AXIN2: variants seen among roughly 807,000 people sequenced by gnomAD.
AXIN2 encodes axin-2.
AXIN2 carries 21 observed loss-of-function variants against 74.7 expected under a neutral mutation model. That is an observed-to-expected ratio of 0.28 (90% confidence interval 0.20 to 0.40). The LOEUF is 0.40. Ranked by LOEUF, AXIN2 falls within the 10% of genes least tolerant of loss-of-function variation. AXIN2 has a pLI of 1.00. For synonymous variants in AXIN2, 532 were observed against 454.9 expected (o/e 1.17, Z -2.16); for missense variants, 1,144 against 1,111.1 (o/e 1.03, Z -0.42).
Position 65,537,013 on chromosome 17 carries a change from G to T in AXIN2, c.1763C>A (p.Pro588Gln). ...TTCCCTGGCGGGCAGGGCCAGGCCC[G>T]GCTCCGTGCCTTTCCCATTGCGTTT... Reference protein sequence around the residue: ...LPKRNGKGTEPGLALPAREGG... With the variant: ...LPKRNGKGTEQGLALPAREGG... The change falls in exon 7 of 11, where the codon CCG becomes CAG. Residue 588 changes from proline (P) to glutamine (Q), a missense_variant. Physicochemically the swap from Pro to Gln is moderately conservative, Grantham distance 76. Transcript: ENST00000307078. 6.2e-7 allele frequency: 1 copy of T among 1,611,094 alleles called. No homozygotes were observed.
In AXIN2 at chr17:65,529,726, A is replaced by G. The variant is rs1473916637; in HGVS notation, c.*250T>C. ...CTCTCAAATACAGGCAGCATCTTCA[A>G]TAGCCAAGAGTGGTCATGTTTTTAA... is the stretch of plus-strand genomic sequence containing the variant. On this transcript the variant is annotated 3_prime_UTR_variant, in exon 11 of 11. Coordinates refer to ENST00000307078, the MANE Select transcript of AXIN2 (RefSeq NM_004655.4). The G allele has an allele frequency of 1.8e-6, 1 of 542,870 alleles. No homozygotes were observed. The highest frequency in any genetic ancestry group is 3.1e-5 in the Admixed American group (1 of 31,794). 33.6% of individuals were successfully genotyped at this position (542,870 alleles called of 1,614,324 possible).
At chr17:65,543,690 A>T (rs2044074944) in intron 3 of AXIN2, among the ~76,000 whole-genome samples, 1 of 152,194 alleles carries the variant, frequency 6.6e-6, no homozygotes, top group Non-Finnish European at 1.5e-5. Flanking sequence ...TTTCAATAAG[A>T]TGCCCTTCCC....
chr17:65,533,798 C>CCCGGG, intron 10 of AXIN2, 114 bp downstream of exon 10: 1 of 958,774 alleles, frequency 1.0e-6, no homozygotes, highest in African/African-American at 1.6e-5. Flanking sequence ...GCCTGCTGAG[C>CCCGGG]CCCCTCCCAC....
chr17:65,537,635 C>T lies in AXIN2; in HGVS notation c.1401G>A (p.Pro467=), dbSNP rs771579039. ...VGRYSPRSRS[P]DHHHHHHSQY... The stretch of plus-strand genomic sequence containing the variant: ...GCGAATGGTGGTGGTGGTGGTGGTC[C>T]GGGGAGCGGGAGCGGGGGCTATAGC... Residue 467 remains proline (P), a synonymous_variant, in exon 6 of 11, where the codon CCG becomes CCA. Coordinates refer to ENST00000307078, the MANE Select transcript of AXIN2 (RefSeq NM_004655.4). 12 of 1,584,940 alleles carry T rather than the reference C, an allele frequency of 7.6e-6. No homozygotes were observed. In the South Asian group the frequency reaches 1.2e-4, roughly 16 times the overall value.
chr17:65,543,245 C>T (rs781775193), intron 3 of AXIN2, among the ~76,000 whole-genome samples: 1 of 152,158 alleles, frequency 6.6e-6, no homozygotes, highest in Non-Finnish European at 1.5e-5. Context: ...GGGAAGGATT[C>T]GCAGCAGCTG....
rs761896015 is a variant in AXIN2, at chr17:65,528,622, C to A, written c.*1354G>T. 2 of 498,828 alleles carry A rather than the reference C, an allele frequency of 4.0e-6. No individual in the cohort carries two copies. The highest frequency in any genetic ancestry group is 3.3e-5 in the South Asian group (2 of 60,282). 30.9% of individuals were successfully genotyped at this position (498,828 alleles called of 1,614,324 possible). Reference sequence around the variant, plus strand: ...TCTCTTAATTACAATAATTATTGTACCAAGTAATTTTCCTTAAATGAACTC... The same window carrying A: ...TCTCTTAATTACAATAATTATTGTAACAAGTAATTTTCCTTAAATGAACTC... On this transcript the variant is annotated 3_prime_UTR_variant, in exon 11 of 11. Coordinates refer to ENST00000307078, the MANE Select transcript of AXIN2 (RefSeq NM_004655.4).
chr17:65,534,693 C>G (rs1327284497), intron 9 of AXIN2, among the ~76,000 whole-genome samples: 1 of 151,998 alleles, frequency 6.6e-6, no homozygotes, highest in African/African-American at 2.4e-5. Flanking sequence ...CTTTGGGAGG[C>G]CGAGGTGGGC....
rs774353403 is a variant in AXIN2, at chr17:65,541,528, C to G, written c.986G>C (p.Ser329Thr). The change falls in exon 4 of 11, where the codon AGT becomes ACT. Residue 329 changes from serine (S) to threonine (T), a missense_variant. Transcript: ENST00000307078. ...VDGIPPYRVG[S>T]KKQLQREMHR... ...CATTTCTCTCTGGAGCTGTTTCTTA[C>G]TGCCCACACGATAAGGAGGAATTCC... 7 of 1,614,052 alleles carry G rather than the reference C, an allele frequency of 4.3e-6. No homozygotes were observed. The highest frequency in any genetic ancestry group is 4.0e-5 in the African/African-American group (3 of 74,926).
In AXIN2 at chr17:65,537,773, G is replaced by T; in HGVS notation, c.1263C>A (p.His421Gln). Residue 421 changes from histidine (H) to glutamine (Q), a missense_variant, in exon 6 of 11, where the codon CAC becomes CAA. His to Gln is a conservative substitution (Grantham distance 24, BLOSUM62 0). Transcript: ENST00000307078. Reference sequence around the variant, plus strand: ...TGCCGGAGGGCAGTAGGGAGAGGGGGTGCTGCGTGGGCGCCCCCTCCCGCG... The same window carrying T: ...TGCCGGAGGGCAGTAGGGAGAGGGGTTGCTGCGTGGGCGCCCCCTCCCGCG... Reference protein sequence around the residue: ...LNSREGAPTQHPLSLLPSGSY... With the variant: ...LNSREGAPTQQPLSLLPSGSY... The T allele has an allele frequency of 1.3e-6, 2 of 1,586,914 alleles. No individual in the cohort carries two copies. Among genetic ancestry groups the T allele is most frequent in the Non-Finnish European group, 8.6e-7 (1 of 1,166,306 alleles).
At chr17:65,546,885 AG>A (rs763372565) in intron 3 of AXIN2, among the ~76,000 whole-genome samples, 5 of 152,186 alleles carry the variant, frequency 3.3e-5, no homozygotes, top group African/African-American at 4.8e-5. Flanking sequence ...TTCTGCCACC[AG>A]GAACCCAAAG....
Position 65,558,686 on chromosome 17 carries a change from G to T in AXIN2, c.-66C>A. On this transcript the variant is annotated 5_prime_UTR_variant, in exon 2 of 11. Coordinates refer to ENST00000307078, the MANE Select transcript of AXIN2 (RefSeq NM_004655.4). ...CTTCCAGTTCCTCTCAGCAATCGGCGTGGTCTCTCTGTCTCTCTCAAGTCA... is the reference window on the plus strand; with the variant it reads ...CTTCCAGTTCCTCTCAGCAATCGGCTTGGTCTCTCTGTCTCTCTCAAGTCA... 1 of 1,505,744 alleles carries T rather than the reference G, an allele frequency of 6.6e-7. No individual in the cohort carries two copies. Among genetic ancestry groups the T allele is most frequent in the Non-Finnish European group, 9.0e-7 (1 of 1,113,232 alleles). 93.3% of individuals were successfully genotyped at this position (1,505,744 alleles called of 1,614,324 possible).
Position 65,538,234 on chromosome 17 carries a change from C to A in AXIN2, c.1169G>T (p.Ser390Ile), listed in dbSNP as rs778900546. The A allele has an allele frequency of 3.1e-6, 5 of 1,614,222 alleles. No homozygotes were observed. Among genetic ancestry groups the A allele is most frequent in the South Asian group, 2.2e-5 (2 of 91,088 alleles). Reference sequence around the variant, plus strand: ...GATCTGCTGCAGGCGCTCCTCCAGGCTGTGGCGGCTCTCCAACTCCAGCTT... The same window carrying A: ...GATCTGCTGCAGGCGCTCCTCCAGGATGTGGCGGCTCTCCAACTCCAGCTT... ...KLKLELESRH[S>I]LEERLQQIRE... The change falls in exon 5 of 11, where the codon AGC becomes ATC. Residue 390 changes from serine to isoleucine, a missense_variant. Ser to Ile is a moderately radical substitution (Grantham distance 142). Transcript: ENST00000307078.
chr17:65,548,685 C>G (rs1308767948), intron 3 of AXIN2, among the ~76,000 whole-genome samples: 1 of 152,206 alleles, frequency 6.6e-6, no homozygotes, highest in Non-Finnish European at 1.5e-5. Flanking sequence ...CAGGGATACC[C>G]AGGCCACAGC....
intron 2 of AXIN2, among the ~76,000 whole-genome samples, chr17:65,551,808 C>G (rs1451712568): frequency 6.6e-6 from 1 of 152,234 alleles, no homozygotes; most frequent in Admixed American, 6.5e-5. Flanking sequence ...AAGGCCTTGT[C>G]AGACTTGGCC....
At position 65,538,219 on chromosome 17, in the gene AXIN2, A is replaced by G. The variant is rs1555578450; in HGVS notation, c.1184T>C (p.Leu395Pro). Residue 395 changes from leucine (L) to proline (P), a missense_variant, in exon 5 of 11, where the codon CTG becomes CCG. By Grantham distance (98) the Leu-to-Pro change is moderately conservative (BLOSUM62 -3). Coordinates refer to ENST00000307078, the MANE Select transcript of AXIN2 (RefSeq NM_004655.4). ...LESRHSLEER[L>P]QQIREDEERE... ...CCGCATTACCTCTCGGATCTGCTGCAGGCGCTCCTCCAGGCTGTGGCGGCT... is the reference window on the plus strand; with the variant it reads ...CCGCATTACCTCTCGGATCTGCTGCGGGCGCTCCTCCAGGCTGTGGCGGCT... The G allele has an allele frequency of 2.5e-6, 4 of 1,614,114 alleles. No homozygotes were observed. The highest frequency in any genetic ancestry group is 2.5e-6 in the Non-Finnish European group (3 of 1,180,060).
rs758278144 is a variant in AXIN2, at chr17:65,535,606, T to C, written c.2237+20A>G. 2 of 1,606,450 alleles carry C rather than the reference T, an allele frequency of 1.2e-6. No individual in the cohort carries two copies. The highest frequency in any genetic ancestry group is 8.5e-7 in the Non-Finnish European group (1 of 1,173,028). ...TAAAGCACTCGGCAGATCTCAGTAA[T>C]GTCAGGTAAAGACACTCACTCTTCT... On this transcript the variant is annotated intron_variant, in intron 9 of 10. Transcript: ENST00000307078.
At chr17:65,531,805 G>A (rs2043823636) in intron 10 of AXIN2, among the ~76,000 whole-genome samples, 1 of 152,188 alleles carries the variant, frequency 6.6e-6, no homozygotes, top group Non-Finnish European at 1.5e-5. Context: ...GGCACCAACA[G>A]CGTCTGGCGC....
At chr17:65,531,264 T>C (rs2043810941) in intron 10 of AXIN2, among the ~76,000 whole-genome samples, 4 of 152,056 alleles carry the variant, frequency 2.6e-5, no homozygotes, top group Admixed American at 2.6e-4. Flanking sequence ...GCAAGCCAAA[T>C]ACTTTCGTAG....
At chr17:65,534,668 C>T (rs1298789343) in intron 9 of AXIN2, among the ~76,000 whole-genome samples, 1 of 152,144 alleles carries the variant, frequency 6.6e-6, no homozygotes, top group Admixed American at 6.5e-5. Context: ...GTGGCTCACG[C>T]CTGTAATCCC....
Sources: gnomAD v4.1 joint callset for allele counts (sites outside exome capture counted in the v4.1 genomes callset) on GRCh38, gnomAD v4.1.1 for gene constraint, MANE v1.5 for transcripts, NCBI Gene and HGNC (gene_info 2026-07-23, HGNC 2026-07-21) for gene names.